The following LATS2 variants were observed in gnomAD, a reference collection of about 807,000 sequenced individuals.
The protein encoded by LATS2 is serine/threonine-protein kinase LATS2.
Under a neutral mutation model 76.0 loss-of-function variants are expected in LATS2, and 24 were observed. The observed-to-expected ratio is 0.32, with a 90% CI of 0.23 to 0.44. The LOEUF (loss-of-function observed/expected upper bound fraction) is 0.44, where lower values mean the gene tolerates loss of function less well. LATS2 is among the 20% of genes least tolerant of loss of function. The probability of loss-of-function intolerance (pLI) is 1.00; values close to 1 mark genes in which losing one functional copy is unlikely to be tolerated. For missense variants in LATS2, 1,286 were observed against 1,481.2 expected (o/e 0.87, Z 2.16); for synonymous variants, 692 against 635.4 (o/e 1.09, Z -1.34).
In LATS2 at chr13:20,988,232, C is replaced by A; in HGVS notation, c.1548G>T (p.Pro516=). 1 of 1,605,396 alleles carries A rather than the reference C, an allele frequency of 6.2e-7. No individual in the cohort carries two copies. Among genetic ancestry groups the A allele is most frequent in the East Asian group, 2.2e-5 (1 of 44,854 alleles). ...YGGPDRRCPP[P]PYPKHLLLRS... ...GCAGCAGCAGGTGCTTCGGGTAGGG[C>A]GGAGGCGGGCACCTCCGGTCTGGGC... The change falls in exon 4 of 8, where the codon CCG becomes CCT. Residue 516 remains proline (P), a synonymous_variant. Coordinates refer to ENST00000382592, the MANE Select transcript of LATS2 (RefSeq NM_014572.3).
chr13:21,026,560 T>C (rs928519854), intron 2 of LATS2, among the ~76,000 whole-genome samples: 1 of 152,238 alleles, frequency 6.6e-6, no homozygotes, highest in African/African-American at 2.4e-5. Context: ...ATAAAACTAC[T>C]ATAAATATTT....
At chr13:21,025,932 T>A (rs1872295930) in intron 2 of LATS2, among the ~76,000 whole-genome samples, 1 of 152,184 alleles carries the variant, frequency 6.6e-6, no homozygotes, top group Non-Finnish European at 1.5e-5. Context: ...GTTATAAGGT[T>A]TGTTTAAAGT....
chr13:20,975,759 C>CAGGT (rs1869591047), intron 7 of LATS2, among the ~76,000 whole-genome samples: 2 of 152,140 alleles, frequency 1.3e-5, no homozygotes, highest in South Asian at 4.1e-4. Context: ...TCTTGGCTCA[C>CAGGT]TGCAACCTCC....
At position 21,024,119 on chromosome 13, in the gene LATS2, A is replaced by G. The variant is rs546594979; in HGVS notation, c.342+21566T>C. Among the ~76,000 whole-genome samples, 1,364 of 151,168 alleles carry G rather than the reference A, an allele frequency of 9.0e-3. 16 individuals carry two copies. The highest frequency in any genetic ancestry group is 0.031 in the African/African-American group (1,276 of 41,066). On this transcript the variant is annotated intron_variant, in intron 2 of 7. Transcript: ENST00000382592. Reference sequence around the variant, plus strand: ...AAAAAAAAAAAAAAAAAAAAAAGAAAAAGAAAAAACAGCTTGAAAAATAAC... The same window carrying G: ...AAAAAAAAAAAAAAAAAAAAAAGAAGAAGAAAAAACAGCTTGAAAAATAAC...
chr13:21,000,611 C>T lies in LATS2; in HGVS notation c.343-9207G>A, dbSNP rs940521972. ...TCAGATTTAGGTATAATATATCAGC[C>T]CCTCAAATAGGAAAGTGTGGGATGG... On this transcript the variant is annotated intron_variant, in intron 2 of 7. Coordinates refer to ENST00000382592, the MANE Select transcript of LATS2 (RefSeq NM_014572.3). Among the ~76,000 whole-genome samples the T allele has an allele frequency of 2.0e-5, 3 of 151,814 alleles. No homozygotes were observed. In the East Asian group the frequency reaches 5.8e-4, roughly 29 times the overall value.
rs113044907 is a variant in LATS2 at position 21,049,329 on chromosome 13, G to A, written c.-204-3099C>T. 2.4e-3 allele frequency among the ~76,000 whole-genome samples: 358 copies of A among 151,956 alleles called. 1 individual carries two copies. In the Middle Eastern group the frequency reaches 0.024, roughly 10 times the overall value. On this transcript the variant is annotated intron_variant, in intron 1 of 7. Coordinates refer to ENST00000382592, the MANE Select transcript of LATS2 (RefSeq NM_014572.3). Reference sequence around the variant, plus strand: ...CCTGAGTGGAAGGTGGGCTTAGAAGGGACAAGTGCAACACTTCTGGGTGAG... The same window carrying A: ...CCTGAGTGGAAGGTGGGCTTAGAAGAGACAAGTGCAACACTTCTGGGTGAG...
chr13:21,059,716 A>T (rs919493720), intron 1 of LATS2, among the ~76,000 whole-genome samples: 4 of 152,270 alleles, frequency 2.6e-5, no homozygotes, highest in African/African-American at 9.6e-5. Context: ...CTGTAATCCC[A>T]GCACTCTGGG....
Position 21,036,094 on chromosome 13 carries a change from C to A in LATS2, c.342+9591G>T, listed in dbSNP as rs1872676507. Among the ~76,000 whole-genome samples the A allele has an allele frequency of 2.6e-5, 4 of 152,154 alleles. No individual in the cohort carries two copies. The South Asian group carries it at 8.3e-4, about 31-fold the overall frequency. On this transcript the variant is annotated intron_variant, in intron 2 of 7. Coordinates refer to ENST00000382592, the MANE Select transcript of LATS2 (RefSeq NM_014572.3). ...TTGTATTTTTAATAGACGGGTTTCA[C>A]CATGTTGGCCAGAGTGGTCTCGAAC...
intron 2 of LATS2, among the ~76,000 whole-genome samples, chr13:20,995,394 C>A (rs78756629): frequency 6.6e-6 from 1 of 152,186 alleles, no homozygotes; most frequent in Non-Finnish European, 1.5e-5. Flanking sequence ...ACATTATCCA[C>A]GTCTATGCAT....
intron 2 of LATS2, among the ~76,000 whole-genome samples, chr13:21,028,384 A>C (rs1277803450): frequency 6.6e-6 from 1 of 152,158 alleles, no homozygotes; most frequent in African/African-American, 2.4e-5. Flanking sequence ...GTGCCGCAAT[A>C]AACATATGTG....
intron 2 of LATS2, among the ~76,000 whole-genome samples, chr13:21,043,210 T>A (rs1428603975): frequency 6.6e-6 from 1 of 151,708 alleles, no homozygotes; most frequent in Non-Finnish European, 1.5e-5. Context: ...TGGTGTTGCG[T>A]GCCTGTAATC....
At chr13:21,013,874 G>C (rs1008783842) in intron 2 of LATS2, among the ~76,000 whole-genome samples, 1 of 152,106 alleles carries the variant, frequency 6.6e-6, no homozygotes, top group Admixed American at 6.6e-5. Context: ...AAGAGGCTAA[G>C]ATGGGAGGAT....
At chr13:20,983,876 G>A in intron 4 of LATS2, 70 bp from the exon 5 acceptor site, 1 of 1,270,856 alleles carries the variant, frequency 7.9e-7, no homozygotes, top group Non-Finnish European at 1.1e-6. Flanking sequence ...TGACTGGGAT[G>A]GGGATGCCCT....
chr13:20,997,146 G>A (rs1293139406), intron 2 of LATS2, among the ~76,000 whole-genome samples: 3 of 152,208 alleles, frequency 2.0e-5, no homozygotes, highest in African/African-American at 7.2e-5. Flanking sequence ...GGGAGGGACT[G>A]AGAAGGGCAA....
chr13:20,984,242 T>C (rs1414559380), intron 4 of LATS2, among the ~76,000 whole-genome samples: 3 of 152,246 alleles, frequency 2.0e-5, no homozygotes, highest in Non-Finnish European at 4.4e-5. Context: ...CCAGTTTTGT[T>C]TTTTTATATC....
intron 2 of LATS2, among the ~76,000 whole-genome samples, chr13:20,992,255 G>A (rs150394036): frequency 6.6e-6 from 1 of 152,320 alleles, no homozygotes; most frequent in East Asian, 1.9e-4. Flanking sequence ...AAGGGTAGGT[G>A]GAGATGGGGG....
At position 20,974,829 on chromosome 13, in the gene LATS2, G is replaced by T. The variant is rs775781939; in HGVS notation, c.*41C>A. ...GTGAGGGCACCGGCTCCGGGACCCT[G>T]ACCTGGGAGGCAGCGAGTGGTGGGG... is the stretch of plus-strand genomic sequence containing the variant. On this transcript the variant is annotated 3_prime_UTR_variant, in exon 8 of 8. Transcript: ENST00000382592. 5.7e-6 allele frequency: 9 copies of T among 1,567,202 alleles called. No homozygotes were observed. The highest frequency in any genetic ancestry group is 1.2e-5 in the South Asian group (1 of 82,558).
chr13:21,035,962 G>A (rs933630408), intron 2 of LATS2, among the ~76,000 whole-genome samples: 3 of 152,166 alleles, frequency 2.0e-5, no homozygotes, highest in Non-Finnish European at 4.4e-5. Flanking sequence ...GCAGTGGCAC[G>A]ATCTTGGCTC....
At chr13:21,046,474 T>C (rs1873081510) in intron 1 of LATS2, among the ~76,000 whole-genome samples, 1 of 152,198 alleles carries the variant, frequency 6.6e-6, no homozygotes. Flanking sequence ...GCTATAAATA[T>C]TCAACTCAGG....
Sources: allele counts gnomAD v4.1 joint callset (sites outside exome capture counted in the v4.1 genomes callset), GRCh38; gene constraint gnomAD v4.1.1; transcripts MANE v1.5; gene names NCBI Gene and HGNC (gene_info 2026-07-23, HGNC 2026-07-21).